The following EXD3 variants were observed in gnomAD, a reference collection of about 807,000 sequenced individuals.
EXD3 encodes exonuclease mut-7 homolog.
EXD3 carries 92 observed loss-of-function variants against 98.0 expected under a neutral mutation model. That is an observed-to-expected ratio of 0.94 (90% CI 0.79 to 1.12). The LOEUF is 1.12. EXD3 is among the 50% of genes most tolerant of loss of function. EXD3 has a pLI of 0.00. For synonymous variants in EXD3, 569 were observed against 526.0 expected (o/e 1.08, Z -1.12); for missense variants, 1,222 against 1,191.6 (o/e 1.03, Z -0.38).
intron 4 of EXD3, 119 bp from the exon 5 acceptor site, chr9:137,373,191 C>G: frequency 7.7e-7 from 1 of 1,302,796 alleles, no homozygotes; most frequent in Non-Finnish European, 1.0e-6. Flanking sequence ...GTGTGGGCAT[C>G]GGGTGGTCTG....
chr9:137,331,526 A>G (rs1833062594), intron 17 of EXD3, among the ~76,000 whole-genome samples: 1 of 152,186 alleles, frequency 6.6e-6, no homozygotes, highest in African/African-American at 2.4e-5. Context: ...GGCTCCTCCA[A>G]AAGACTCCTC....
intron 1 of EXD3, among the ~76,000 whole-genome samples, chr9:137,398,835 TGCACCCGCATCCCCAAGACACACAG>T (rs1430807447): frequency 1.3e-5 from 1 of 74,236 alleles, no homozygotes; most frequent in African/African-American, 5.4e-5. Flanking sequence ...GTGACACACG[TGCACCCGCATCCCCAAGACACACAG>T]GCACCCGCGT....
At chr9:137,377,605 C>A (rs1835978713) in intron 3 of EXD3, among the ~76,000 whole-genome samples, 1 of 151,246 alleles carries the variant, frequency 6.6e-6, no homozygotes, top group Non-Finnish European at 1.5e-5. Context: ...CCTTTAATCT[C>A]AGCTACTCAG....
Position 137,347,911 on chromosome 9 carries a change from G to A in EXD3, c.1998+160C>T, listed in dbSNP as rs757938194. ...CATCTCAGCCACTTGGCCCCCAACCGCTCCATCCTTGGCCACCCCGTCCTG... is the reference window on the plus strand; with the variant it reads ...CATCTCAGCCACTTGGCCCCCAACCACTCCATCCTTGGCCACCCCGTCCTG... On this transcript the variant is annotated intron_variant, in intron 17 of 21. Coordinates refer to ENST00000340951, the MANE Select transcript of EXD3 (RefSeq NM_017820.5). The surrounding 1 kb of genome is among the most constrained non-coding windows in gnomAD (Gnocchi z 4.2). 6.6e-6 allele frequency among the ~76,000 whole-genome samples: 1 copy of A among 152,198 alleles called. No homozygotes were observed. The highest frequency in any genetic ancestry group is 6.5e-5 in the Admixed American group (1 of 15,280).
At chr9:137,328,039 C>T (rs796904929) in intron 17 of EXD3, among the ~76,000 whole-genome samples, 6 of 99,186 alleles carry the variant, frequency 6.0e-5, no homozygotes, top group South Asian at 3.5e-4. Context: ...GTAAAAACAA[C>T]GAATAAACAC....
intron 2 of EXD3, among the ~76,000 whole-genome samples, chr9:137,390,255 C>T (rs200744069): frequency 2.0e-5 from 3 of 150,064 alleles, no homozygotes; most frequent in Non-Finnish European, 4.4e-5. Flanking sequence ...ATGGTGAAAC[C>T]CCATCTCTAC....
rs946581875 is a variant in EXD3, at chr9:137,371,322, C to G, written c.462+1583G>C. On this transcript the variant is annotated intron_variant, in intron 5 of 21. Transcript: ENST00000340951. The surrounding 1 kb of genome is among the most constrained non-coding windows in gnomAD (Gnocchi z 8.0). ...CCGGGACATGGTGGCTTCTCAGCGCCATGCACCCGCCGCGAGACGACGGCC... is the reference window on the plus strand; with the variant it reads ...CCGGGACATGGTGGCTTCTCAGCGCGATGCACCCGCCGCGAGACGACGGCC... Among the ~76,000 whole-genome samples the G allele has an allele frequency of 6.6e-6, 1 of 152,204 alleles. No individual in the cohort carries two copies. The highest frequency in any genetic ancestry group is 1.5e-5 in the Non-Finnish European group (1 of 68,010).
At chr9:137,338,421 T>C (rs989942216) in intron 17 of EXD3, among the ~76,000 whole-genome samples, 6 of 152,016 alleles carry the variant, frequency 3.9e-5, no homozygotes, top group African/African-American at 4.8e-5. Flanking sequence ...CTTAAACACT[T>C]ATATCATAAA....
At position 137,340,374 on chromosome 9, in the gene EXD3, G is replaced by T. The variant is rs564099820; in HGVS notation, c.1998+7697C>A. 7.9e-5 allele frequency among the ~76,000 whole-genome samples: 12 copies of T among 152,160 alleles called. No individual in the cohort carries two copies. In the South Asian group the frequency reaches 2.3e-3, roughly 29 times the overall value. ...TGCCTGTAATCCCAGCTACTCAGGA[G>T]GCTGAGGCAGAAGAATCACTTGAAT... On this transcript the variant is annotated intron_variant, in intron 17 of 21. Transcript: ENST00000340951.
rs185981224 is a variant in EXD3 at position 137,349,352 on chromosome 9, C to A, written c.1657+17G>T. ...GGGGCGTGAGGAGGGGTCACTCCCA[C>A]CCGCCGCACCGCACACCTGCGTAGA... is the stretch of plus-strand genomic sequence containing the variant. On this transcript the variant is annotated intron_variant, in intron 15 of 21. Coordinates refer to ENST00000340951, the MANE Select transcript of EXD3 (RefSeq NM_017820.5). This position sits in a 1 kb window ranked among gnomAD's most constrained non-coding sequence, Gnocchi z 7.4. 396 of 1,565,950 alleles carry A rather than the reference C, an allele frequency of 2.5e-4. No individual in the cohort carries two copies. The highest frequency in any genetic ancestry group is 3.3e-4 in the Non-Finnish European group (382 of 1,161,192).
chr9:137,349,868 A>G lies in EXD3; in HGVS notation c.1495-337T>C, dbSNP rs889412203. 1.3e-5 allele frequency among the ~76,000 whole-genome samples: 2 copies of G among 152,094 alleles called. No homozygotes were observed. Among genetic ancestry groups the G allele is most frequent in the South Asian group, 2.1e-4 (1 of 4,832 alleles). ...TCTGTTTTATCTTCAGAAGAGGAGC[A>G]CTGGGTGTGCCGTGCATAAAACAGC... On this transcript the variant is annotated intron_variant, in intron 14 of 21. Transcript: ENST00000340951. The surrounding 1 kb of genome is among the most constrained non-coding windows in gnomAD (Gnocchi z 7.4).
chr9:137,372,188 C>T (rs896184956), intron 5 of EXD3, among the ~76,000 whole-genome samples: 16 of 152,160 alleles, frequency 1.1e-4, no homozygotes, highest in African/African-American at 3.1e-4. Context: ...CGAAAGGGAC[C>T]GAAGCCACCT....
At chr9:137,369,220 C>T (rs185821590) in intron 5 of EXD3, among the ~76,000 whole-genome samples, 30 of 151,700 alleles carry the variant, frequency 2.0e-4, no homozygotes, top group African/African-American at 6.3e-4. Flanking sequence ...GGGAGGGGCG[C>T]AGGGCCTGGG....
Position 137,307,031 on chromosome 9 carries a change from G to T in EXD3, c.2550C>A (p.Thr850=). 1 of 1,612,262 alleles carries T rather than the reference G, an allele frequency of 6.2e-7. No homozygotes were observed. The highest frequency in any genetic ancestry group is 8.5e-7 in the Non-Finnish European group (1 of 1,179,652). The part of the protein sequence containing the change: ...WDGSHLGRVA[T]HFRDMLESAP... ...CGCTCTCCAGCATGTCTCGGAAGTG[G>T]GTGGCAACACGACCCAGGTGGGAGC... is the stretch of plus-strand genomic sequence containing the variant. Residue 850 remains threonine (T), a synonymous_variant, in exon 22 of 22, where the codon ACC becomes ACA. Coordinates refer to ENST00000340951, the MANE Select transcript of EXD3 (RefSeq NM_017820.5).
chr9:137,321,678 G>A (rs1039283253), intron 19 of EXD3, among the ~76,000 whole-genome samples: 3 of 152,062 alleles, frequency 2.0e-5, no homozygotes, highest in Admixed American at 1.3e-4. Flanking sequence ...GTGAGACTCC[G>A]TCCCACCCCC....
chr9:137,381,537 C>G (rs549530090), intron 3 of EXD3, among the ~76,000 whole-genome samples: 19 of 152,234 alleles, frequency 1.2e-4, no homozygotes, highest in African/African-American at 4.1e-4. Context: ...ACTCCAGGCC[C>G]TCACCCCGCC....
rs908931780 is a variant in EXD3 at position 137,395,821 on chromosome 9, C to A, written c.-47-417G>T. Among the ~76,000 whole-genome samples, 2 of 152,146 alleles carry A rather than the reference C, an allele frequency of 1.3e-5. No individual in the cohort carries two copies. The highest frequency in any genetic ancestry group is 1.3e-4 in the Admixed American group (2 of 15,278). ...GGTGCTCTCCTCCAGAGGGCAAGGGCGCCTGCAGGACCAGGGACCTCGGAG... is the reference window on the plus strand; with the variant it reads ...GGTGCTCTCCTCCAGAGGGCAAGGGAGCCTGCAGGACCAGGGACCTCGGAG... On this transcript the variant is annotated intron_variant, in intron 1 of 21. Coordinates refer to ENST00000340951, the MANE Select transcript of EXD3 (RefSeq NM_017820.5). The surrounding 1 kb of genome is among the most constrained non-coding windows in gnomAD (Gnocchi z 6.5).
chr9:137,312,850 C>T (rs1489942761), intron 19 of EXD3, among the ~76,000 whole-genome samples: 1 of 152,186 alleles, frequency 6.6e-6, no homozygotes, highest in Admixed American at 6.5e-5. Context: ...GGGGCCAGCG[C>T]TGGGCTGCAG....
chr9:137,411,085 C>T (rs569291265), intron 1 of EXD3, among the ~76,000 whole-genome samples: 1 of 152,322 alleles, frequency 6.6e-6, no homozygotes, highest in South Asian at 2.1e-4. Context: ...GCTGGCACCT[C>T]TAGGGCCCCT....
Sources: allele counts gnomAD v4.1 joint callset (sites outside exome capture counted in the v4.1 genomes callset), GRCh38; gene constraint gnomAD v4.1.1; non-coding constraint Gnocchi (gnomAD v3.1); transcripts MANE v1.5; gene names NCBI Gene and HGNC (gene_info 2026-07-23, HGNC 2026-07-21).